DLG2: variants seen among roughly 807,000 people sequenced by gnomAD.
The protein encoded by DLG2 is disks large homolog 2.
DLG2 carries 45 observed loss-of-function variants against 132.5 expected under a neutral mutation model. That is an observed-to-expected ratio of 0.34 (90% confidence interval 0.27 to 0.44). The LOEUF (loss-of-function observed/expected upper bound fraction) is 0.44, where lower values mean the gene tolerates loss of function less well. Among genes scored for constraint, DLG2 ranks in the 20% least tolerant of loss-of-function variants. The pLI, the probability that DLG2 is intolerant of heterozygous loss-of-function variation, is 1.00. For missense variants in DLG2, 1,045 were observed against 1,196.9 expected (o/e 0.87, Z 1.87); for synonymous variants, 424 against 419.6 (o/e 1.01, Z -0.13).
At chr11:85,540,025 C>T (rs2075857982) in intron 3 of DLG2, among the ~76,000 whole-genome samples, 2 of 152,126 alleles carry the variant, frequency 1.3e-5, no homozygotes, top group South Asian at 2.1e-4. Flanking sequence ...GACCATGGGC[C>T]CACCTTTCAA....
intron 3 of DLG2, among the ~76,000 whole-genome samples, chr11:85,570,548 G>A (rs1269580952): frequency 2.6e-5 from 4 of 152,070 alleles, no homozygotes; most frequent in African/African-American, 9.7e-5. Context: ...GTTTGATTAT[G>A]TTGTGTGGAT....
intron 7 of DLG2, among the ~76,000 whole-genome samples, chr11:84,389,423 C>A (rs1470910644): frequency 3.9e-5 from 6 of 151,948 alleles, no homozygotes; most frequent in Non-Finnish European, 5.9e-5. Context: ...ATTTTTGTAC[C>A]TGTAATATAA....
At chr11:83,661,253 T>C (rs868044451) in intron 18 of DLG2, among the ~76,000 whole-genome samples, 1 of 152,172 alleles carries the variant, frequency 6.6e-6, no homozygotes. Flanking sequence ...ACCTCTCTTG[T>C]GCTTAAATTC....
chr11:83,787,859 T>A (rs1437053725), intron 17 of DLG2, among the ~76,000 whole-genome samples: 1 of 152,166 alleles, frequency 6.6e-6, no homozygotes, highest in African/African-American at 2.4e-5. Flanking sequence ...CTTGAATCAG[T>A]TCAGCCTAAG....
intron 21 of DLG2, among the ~76,000 whole-genome samples, chr11:83,511,597 TTTA>T (rs923381448): frequency 5.3e-5 from 8 of 152,106 alleles, no homozygotes; most frequent in Admixed American, 2.0e-4. Context: ...GATAAGTATT[TTTA>T]TTATTATTAG....
intron 19 of DLG2, among the ~76,000 whole-genome samples, chr11:83,551,696 A>G (rs1290748180): frequency 1.3e-5 from 2 of 152,182 alleles, no homozygotes; most frequent in African/African-American, 4.8e-5. Context: ...ATATGCCCGT[A>G]AAGTTTCCCA....
intron 4 of DLG2, among the ~76,000 whole-genome samples, chr11:85,220,552 T>G (rs1018546712): frequency 6.6e-5 from 10 of 151,824 alleles, no homozygotes; most frequent in Non-Finnish European, 1.5e-4. Flanking sequence ...TAAATAGTCA[T>G]TGCAAGATGC....
At chr11:84,770,722 T>C (rs1362594350) in intron 6 of DLG2, among the ~76,000 whole-genome samples, 2 of 150,724 alleles carry the variant, frequency 1.3e-5, no homozygotes, top group Non-Finnish European at 3.0e-5. Flanking sequence ...CTCGGCTCCC[T>C]GCAAGCTCTG....
chr11:83,946,187 A>G (rs531610790), intron 14 of DLG2, among the ~76,000 whole-genome samples: 8 of 151,806 alleles, frequency 5.3e-5, no homozygotes, highest in Non-Finnish European at 1.2e-4. Flanking sequence ...ATGTGGCTTC[A>G]CCATGTTGGC....
At chr11:85,420,066 G>A (rs181397817) in intron 3 of DLG2, among the ~76,000 whole-genome samples, 6 of 152,316 alleles carry the variant, frequency 3.9e-5, no homozygotes, top group Admixed American at 1.3e-4. Flanking sequence ...CCATTTTCAT[G>A]GATTTATCTA....
chr11:85,371,648 T>C (rs889640893), intron 3 of DLG2, among the ~76,000 whole-genome samples: 1 of 152,228 alleles, frequency 6.6e-6, no homozygotes, highest in Non-Finnish European at 1.5e-5. Flanking sequence ...TTGTCTATGC[T>C]GTCCCTGTGC....
At chr11:84,018,681 TAGAG>T (rs2095295788) in intron 11 of DLG2, among the ~76,000 whole-genome samples, 1 of 151,092 alleles carries the variant, frequency 6.6e-6, no homozygotes, top group South Asian at 2.1e-4. Context: ...TTTGAAAGAG[TAGAG>T]AGAGACATAT....
intron 7 of DLG2, among the ~76,000 whole-genome samples, chr11:84,397,938 A>C (rs184876393): frequency 6.6e-6 from 1 of 152,342 alleles, no homozygotes; most frequent in African/African-American, 2.4e-5. Flanking sequence ...TTCATCAGGA[A>C]CACATGAACC....
Position 84,714,639 on chromosome 11 carries a change from C to T in DLG2, c.358-179908G>A, listed in dbSNP as rs562288787. ...TCTTTCTCTTTCTCTCTCTCTCTCT[C>T]TCTCTCTTTCTCTCTCTCTCTCTCT... On this transcript the variant is annotated intron_variant, in intron 6 of 27. Transcript: ENST00000376104. 1.5e-3 allele frequency among the ~76,000 whole-genome samples: 218 copies of T among 141,582 alleles called. 3 individuals are homozygous for T. Among genetic ancestry groups the T allele is most frequent in the African/African-American group, 5.7e-3 (207 of 36,316 alleles). The allele number at this position is 141,582 out of a possible 152,430, so 92.9% of individuals were successfully genotyped here. A position where few individuals can be genotyped will look rare whatever the true frequency, so the allele number is the denominator to read the frequency against.
At chr11:83,635,397 A>G (rs924341018) in intron 18 of DLG2, among the ~76,000 whole-genome samples, 5 of 152,172 alleles carry the variant, frequency 3.3e-5, no homozygotes, top group Non-Finnish European at 7.4e-5. Flanking sequence ...GCATTATCTC[A>G]TTTCTGTTTT....
chr11:83,704,601 G>A (rs1014243171), intron 18 of DLG2, among the ~76,000 whole-genome samples: 3 of 149,818 alleles, frequency 2.0e-5, no homozygotes, highest in Non-Finnish European at 4.4e-5. Flanking sequence ...TGGATCACCT[G>A]AGGTCAGGAG....
intron 18 of DLG2, among the ~76,000 whole-genome samples, chr11:83,678,095 A>G (rs1427119534): frequency 6.6e-6 from 1 of 152,212 alleles, no homozygotes. Flanking sequence ...CAAATGGCAG[A>G]CAGTTTTAAT....
intron 4 of DLG2, among the ~76,000 whole-genome samples, chr11:85,164,489 C>T (rs1241818651): frequency 6.6e-6 from 1 of 152,144 alleles, no homozygotes; most frequent in African/African-American, 2.4e-5. Context: ...ACCGTTACTT[C>T]ATCCCCTGAT....
chr11:83,994,559 T>G (rs531409104), intron 11 of DLG2, among the ~76,000 whole-genome samples: 23 of 152,210 alleles, frequency 1.5e-4, no homozygotes, highest in African/African-American at 5.5e-4. Flanking sequence ...TAAAATGAAT[T>G]ACTGAACTAA....
Sources: allele counts gnomAD v4.1 joint callset (sites outside exome capture counted in the v4.1 genomes callset), GRCh38; gene constraint gnomAD v4.1.1; transcripts MANE v1.5; gene names NCBI Gene and HGNC (gene_info 2026-07-23, HGNC 2026-07-21).